Variants in ZNF385D observed in about 807,000 individuals in gnomAD.
ZNF385D encodes the protein zinc finger protein 659.
A neutral mutation model predicts 35.8 loss-of-function variants in ZNF385D; 15 were observed. The ratio of observed to expected loss-of-function variants is 0.42; its 90% CI spans 0.28 to 0.64. The LOEUF (loss-of-function observed/expected upper bound fraction) is 0.64, where lower values mean the gene tolerates loss of function less well. Ranked by LOEUF, ZNF385D falls within the 30% of genes least tolerant of loss-of-function variation. The pLI is 0.23. For missense variants in ZNF385D, 474 were observed against 494.6 expected, an observed-to-expected ratio of 0.96 and a Z score of 0.39; for synonymous variants, 212 against 186.8, an observed-to-expected ratio of 1.13 and a Z score of -1.10.
At chr3:22,337,298 G>A (rs1695216601) in intron 2 of ZNF385D, among the ~76,000 whole-genome samples, 3 of 152,014 alleles carry the variant, frequency 2.0e-5, no homozygotes, top group Non-Finnish European at 2.9e-5. Context: ...TTGAAAGGTC[G>A]AGGTGGGGGC....
At chr3:21,583,955 T>C (rs898047421) in intron 2 of ZNF385D, among the ~76,000 whole-genome samples, 3 of 114,090 alleles carry the variant, frequency 2.6e-5, no homozygotes, top group African/African-American at 1.2e-4. Flanking sequence ...ATTTTACTTA[T>C]TTACTTATTT....
intron 2 of ZNF385D, among the ~76,000 whole-genome samples, chr3:22,218,211 G>A (rs1420508276): frequency 1.3e-5 from 2 of 151,870 alleles, no homozygotes; most frequent in African/African-American, 4.8e-5. Flanking sequence ...ATATTATTGA[G>A]TCTTCTTTAA....
intron 2 of ZNF385D, among the ~76,000 whole-genome samples, chr3:21,656,142 A>G (rs1487248645): frequency 6.6e-6 from 1 of 151,982 alleles, no homozygotes; most frequent in Non-Finnish European, 1.5e-5. Flanking sequence ...ATGTAGGCCT[A>G]TATACTTTCA....
intron 3 of ZNF385D, among the ~76,000 whole-genome samples, chr3:22,013,754 C>G (rs1696715965): frequency 6.6e-6 from 1 of 152,098 alleles, no homozygotes; most frequent in South Asian, 2.1e-4. Flanking sequence ...AAGGATGAAG[C>G]TTGGTGAAGC....
intron 1 of ZNF385D, among the ~76,000 whole-genome samples, chr3:21,749,437 T>A (rs2069948804): frequency 6.6e-6 from 1 of 152,174 alleles, no homozygotes; most frequent in Non-Finnish European, 1.5e-5. Flanking sequence ...AAAATTATAA[T>A]CTGTTTCATC....
At chr3:22,231,743 G>A (rs878860512) in intron 2 of ZNF385D, among the ~76,000 whole-genome samples, 1 of 152,076 alleles carries the variant, frequency 6.6e-6, no homozygotes, top group African/African-American at 2.4e-5. Flanking sequence ...TTGGCTCTGT[G>A]TCCCCACACA....
At chr3:21,657,970 A>G (rs1391813127) in intron 2 of ZNF385D, among the ~76,000 whole-genome samples, 1 of 151,970 alleles carries the variant, frequency 6.6e-6, no homozygotes, top group African/African-American at 2.4e-5. Flanking sequence ...AAAGTGTGCC[A>G]ATTCCATTTT....
intron 3 of ZNF385D, among the ~76,000 whole-genome samples, chr3:22,048,760 T>A (rs1201639970): frequency 2.6e-5 from 4 of 152,194 alleles, no homozygotes; most frequent in African/African-American, 9.6e-5. Context: ...ATTTTAGGAT[T>A]GTTTTTTCCA....
chr3:21,537,913 ATGAT>A (rs1385401735), intron 3 of ZNF385D, among the ~76,000 whole-genome samples: 1 of 152,144 alleles, frequency 6.6e-6, no homozygotes, highest in Non-Finnish European at 1.5e-5. Flanking sequence ...AGCAGGGAGA[ATGAT>A]TAAGAATTTT....
chr3:21,556,080 T>G (rs2062731939), intron 3 of ZNF385D, among the ~76,000 whole-genome samples: 2 of 149,088 alleles, frequency 1.3e-5, no homozygotes, highest in Admixed American at 6.7e-5. Context: ...TTTTTTTTTT[T>G]TTTTTTTGTA....
intron 3 of ZNF385D, among the ~76,000 whole-genome samples, chr3:21,545,269 G>A (rs1331329476): frequency 2.0e-5 from 3 of 152,122 alleles, no homozygotes; most frequent in Non-Finnish European, 2.9e-5. Context: ...ACAGACTTGT[G>A]ATAACTTTAG....
intron 3 of ZNF385D, among the ~76,000 whole-genome samples, chr3:21,859,899 C>A (rs571858711): frequency 6.6e-6 from 1 of 152,012 alleles, no homozygotes; most frequent in South Asian, 2.1e-4. Context: ...TTATGTATGC[C>A]GTAACTTCCC....
chr3:21,792,144 G>T (rs56269360), intron 3 of ZNF385D, among the ~76,000 whole-genome samples: 24,323 of 152,160 alleles, frequency 0.16, 2,189 homozygotes, highest in Non-Finnish European at 0.19. Context: ...ATTGTTTTGA[G>T]CAATTAGTTT....
intron 3 of ZNF385D, among the ~76,000 whole-genome samples, chr3:22,102,355 G>A (rs760900651): frequency 1.3e-5 from 2 of 152,024 alleles, no homozygotes; most frequent in African/African-American, 2.4e-5. Context: ...CAAAAACAGA[G>A]AGAAGCAATT....
chr3:22,139,628 G>A (rs1704372373), intron 3 of ZNF385D, among the ~76,000 whole-genome samples: 2 of 151,750 alleles, frequency 1.3e-5, no homozygotes, highest in African/African-American at 4.8e-5. Context: ...GGTGGGGGGA[G>A]GAGGGAGGGA....
chr3:21,827,536 T>A (rs1252129269), intron 3 of ZNF385D, among the ~76,000 whole-genome samples: 1 of 152,184 alleles, frequency 6.6e-6, no homozygotes, highest in Non-Finnish European at 1.5e-5. Context: ...AGATGCCACA[T>A]GCTATACTAG....
chr3:22,100,605 A>G (rs1701880726), intron 3 of ZNF385D, among the ~76,000 whole-genome samples: 1 of 148,774 alleles, frequency 6.7e-6, no homozygotes, highest in Non-Finnish European at 1.5e-5. Flanking sequence ...AACATCACAT[A>G]TTCTCACTCA....
At chr3:22,192,984 A>T (rs1244058934) in intron 2 of ZNF385D, among the ~76,000 whole-genome samples, 1 of 152,214 alleles carries the variant, frequency 6.6e-6, no homozygotes, top group Non-Finnish European at 1.5e-5. Flanking sequence ...TCTATTTAAT[A>T]CCAATGGCCA....
chr3:21,771,639 T>C (rs185587164), intron 3 of ZNF385D, among the ~76,000 whole-genome samples: 185 of 151,562 alleles, frequency 1.2e-3, no homozygotes, highest in African/African-American at 4.3e-3. Context: ...AAAATAGAGA[T>C]AGCAAGAAGA....
Sources: gnomAD v4.1 joint callset for allele counts (sites outside exome capture counted in the v4.1 genomes callset) on GRCh38, gnomAD v4.1.1 for gene constraint, MANE v1.5 for transcripts, NCBI Gene and HGNC (gene_info 2026-07-23, HGNC 2026-07-21) for gene names.